The following ETS1 variants were observed in gnomAD, a reference collection of about 807,000 sequenced individuals.
ETS1 encodes the protein protein C-ets-1.
Under a neutral mutation model 58.6 loss-of-function variants are expected in ETS1, and 15 were observed. The ratio of observed to expected loss-of-function variants is 0.26; its 90% confidence interval spans 0.17 to 0.39. The LOEUF (loss-of-function observed/expected upper bound fraction) is 0.39, where lower values mean the gene tolerates loss of function less well. Ranked by LOEUF, ETS1 falls within the 10% of genes least tolerant of loss-of-function variation. The pLI is 1.00. For synonymous variants in ETS1, 214 were observed against 218.2 expected (o/e 0.98, Z 0.17); for missense variants, 417 against 610.5 (o/e 0.68, Z 3.34).
chr11:128,502,081 G>C (rs1397575213), intron 3 of ETS1, among the ~76,000 whole-genome samples: 1 of 152,192 alleles, frequency 6.6e-6, no homozygotes, highest in Non-Finnish European at 1.5e-5. Context: ...GGCAGTTAGA[G>C]AACAATGGCT....
At chr11:128,474,051 T>C (rs925114954) in intron 8 of ETS1, among the ~76,000 whole-genome samples, 7 of 152,194 alleles carry the variant, frequency 4.6e-5, no homozygotes, top group African/African-American at 1.7e-4. Context: ...CCATTATTTG[T>C]AGTGAGACTT....
intron 3 of ETS1, among the ~76,000 whole-genome samples, chr11:128,542,205 G>A (rs1246064301): frequency 6.6e-6 from 1 of 152,152 alleles, no homozygotes; most frequent in African/African-American, 2.4e-5. Flanking sequence ...TCATTGCCTT[G>A]GGGATGGGCA....
chr11:128,531,044 A>G (rs1484523145), intron 3 of ETS1, among the ~76,000 whole-genome samples: 2 of 152,262 alleles, frequency 1.3e-5, no homozygotes, highest in African/African-American at 4.8e-5. Flanking sequence ...CAAATAGTCC[A>G]TACAAAAACC....
intron 3 of ETS1, among the ~76,000 whole-genome samples, chr11:128,504,577 T>A (rs1863180299): frequency 6.6e-6 from 1 of 152,242 alleles, no homozygotes; most frequent in African/African-American, 2.4e-5. Flanking sequence ...GAAGACGCTT[T>A]CGATGTCATC....
intron 5 of ETS1, among the ~76,000 whole-genome samples, chr11:128,487,461 G>A (rs893158705): frequency 3.3e-5 from 5 of 152,128 alleles, no homozygotes; most frequent in Admixed American, 2.0e-4. Context: ...TATATTGAGG[G>A]CAGGCGCGGT....
chr11:128,502,669 A>G (rs905487529), intron 3 of ETS1, among the ~76,000 whole-genome samples: 1 of 152,274 alleles, frequency 6.6e-6, no homozygotes, highest in Admixed American at 6.5e-5. Flanking sequence ...ATTTTCTGGA[A>G]TTTCATCTTT....
chr11:128,506,314 TAGAG>T (rs373882962), intron 3 of ETS1, among the ~76,000 whole-genome samples: 2 of 152,066 alleles, frequency 1.3e-5, no homozygotes, highest in South Asian at 2.1e-4. Context: ...AAGTAAATGT[TAGAG>T]AGAGAAAGAG....
intron 6 of ETS1, 24 bp from the exon 7 acceptor site, chr11:128,485,095 A>G (rs748730701): frequency 3.1e-5 from 49 of 1,601,198 alleles, no homozygotes; most frequent in Admixed American, 5.1e-5. Context: ...GTTTGCAAGT[A>G]AAGAGAGGAG....
At chr11:128,526,829 C>A in intron 3 of ETS1, 1 of 430,540 alleles carries the variant, frequency 2.3e-6, no homozygotes, top group Non-Finnish European at 4.6e-6. Flanking sequence ...GGATTTGTCA[C>A]ATGTTAGAGC....
intron 3 of ETS1, among the ~76,000 whole-genome samples, chr11:128,494,759 G>A (rs1862893906): frequency 6.6e-6 from 1 of 152,138 alleles, no homozygotes; most frequent in Non-Finnish European, 1.5e-5. Context: ...CAAGACATCT[G>A]GCCTTACTGA....
At chr11:128,479,070 T>C (rs1329490803) in intron 8 of ETS1, among the ~76,000 whole-genome samples, 2 of 152,206 alleles carry the variant, frequency 1.3e-5, no homozygotes, top group Non-Finnish European at 2.9e-5. Context: ...GAGATACTCC[T>C]GATCTTTGAA....
rs1171887328 is a variant in ETS1 at position 128,490,344 on chromosome 11, T to TG, written c.334+112dup. On this transcript the variant is annotated intron_variant, in intron 4 of 9. Coordinates refer to ENST00000392668, the MANE Select transcript of ETS1 (RefSeq NM_001143820.2). ...ACAGATGGCAGCCATGGCCCATAGC[T>TG]GCTGACTCCAATGTGGTTAGTGTAA... 1.4e-5 allele frequency: 15 copies of TG among 1,087,774 alleles called. No individual in the cohort carries two copies. In the Admixed American group the frequency reaches 1.7e-4, roughly 12 times the overall value. The allele number at this position is 1,087,774 out of a possible 1,614,324, so 67.4% of individuals were successfully genotyped here.
intron 3 of ETS1, among the ~76,000 whole-genome samples, chr11:128,528,007 A>T (rs1262579196): frequency 6.6e-6 from 1 of 152,182 alleles, no homozygotes; most frequent in Non-Finnish European, 1.5e-5. Context: ...AAAAAGGAGA[A>T]ATAGCCCTGA....
At chr11:128,582,569 A>C (rs912528090) in intron 1 of ETS1, among the ~76,000 whole-genome samples, 2 of 152,176 alleles carry the variant, frequency 1.3e-5, no homozygotes, top group Admixed American at 1.3e-4. Context: ...GAGCTAGAAC[A>C]TGGATAGCTA....
At position 128,549,077 on chromosome 11, in the gene ETS1, G is replaced by C. The variant is rs956858060; in HGVS notation, c.214+7214C>G. Among the ~76,000 whole-genome samples the C allele has an allele frequency of 6.6e-6, 1 of 152,190 alleles. No homozygotes were observed. The highest frequency in any genetic ancestry group is 2.1e-4 in the South Asian group (1 of 4,832). On this transcript the variant is annotated intron_variant, in intron 3 of 9. Transcript: ENST00000392668. This position sits in a 1 kb window ranked among gnomAD's most constrained non-coding sequence, Gnocchi z 4.3. ...GCCGCCTCCTCCAGCTGCAGGCTCC[G>C]GGCTGAGACCCCTGGCTGCAGTGCA...
At chr11:128,494,068 T>C (rs1862874405) in intron 3 of ETS1, among the ~76,000 whole-genome samples, 1 of 152,234 alleles carries the variant, frequency 6.6e-6, no homozygotes, top group African/African-American at 2.4e-5. Flanking sequence ...AGAATCAGTG[T>C]CTGAAAGTTA....
intron 3 of ETS1, among the ~76,000 whole-genome samples, chr11:128,552,001 C>T (rs375063140): frequency 1.3e-5 from 2 of 152,236 alleles, no homozygotes; most frequent in East Asian, 1.9e-4. Context: ...AGTGTCTTAA[C>T]AAACCCTAAA....
chr11:128,488,862 G>A (rs1862713209), intron 5 of ETS1, among the ~76,000 whole-genome samples: 1 of 152,200 alleles, frequency 6.6e-6, no homozygotes, highest in African/African-American at 2.4e-5. Flanking sequence ...CAGACGCTAA[G>A]CTTTCCCGGG....
At chr11:128,514,878 T>A (rs1378056055) in intron 3 of ETS1, among the ~76,000 whole-genome samples, 1 of 152,238 alleles carries the variant, frequency 6.6e-6, no homozygotes, top group Non-Finnish European at 1.5e-5. Flanking sequence ...CAAGAATCTA[T>A]GTAATATCAC....
Sources: gnomAD v4.1 joint callset for allele counts (sites outside exome capture counted in the v4.1 genomes callset) on GRCh38, gnomAD v4.1.1 for gene constraint, Gnocchi (gnomAD v3.1) non-coding constraint, MANE v1.5 for transcripts, NCBI Gene and HGNC (gene_info 2026-07-23, HGNC 2026-07-21) for gene names.